Variants in ANKRD30B observed in about 807,000 individuals in gnomAD.
ANKRD30B encodes ankyrin repeat domain 30B, also known as ankyrin repeat domain-containing protein 30B.
ANKRD30B carries 144 observed loss-of-function variants against 202.2 expected under a neutral mutation model. The observed-to-expected ratio is 0.71, with a 90% confidence interval of 0.62 to 0.82. ANKRD30B has a LOEUF of 0.82. Among genes scored for constraint, ANKRD30B ranks in the 40% least tolerant of loss-of-function variants. ANKRD30B has a pLI of 0.00. For synonymous variants in ANKRD30B, 508 were observed against 561.3 expected, an observed-to-expected ratio of 0.91 and a Z score of 1.34; for missense variants, 1,487 against 1,669.1, an observed-to-expected ratio of 0.89 and a Z score of 1.90.
intron 9 of ANKRD30B, among the ~76,000 whole-genome samples, chr18:14,774,863 C>T (rs147067028): frequency 1.4e-4 from 21 of 150,678 alleles, no homozygotes; most frequent in Non-Finnish European, 1.0e-4. Context: ...TGTGGTGGCT[C>T]ATGCCTGTAA....
Position 14,851,421 on chromosome 18 carries a change from A to G in ANKRD30B, c.3565-88A>G, listed in dbSNP as rs150703556. Reference sequence around the variant, plus strand: ...ACTTATAAAAACCCTTTCATTGTATAAACGTACAAGTTGTTCTTTAATTTC... The same window carrying G: ...ACTTATAAAAACCCTTTCATTGTATGAACGTACAAGTTGTTCTTTAATTTC... On this transcript the variant is annotated intron_variant, in intron 41 of 43. Coordinates refer to ENST00000690538, the MANE Select transcript of ANKRD30B (RefSeq NM_001367607.2). 1.7e-4 allele frequency: 233 copies of G among 1,354,222 alleles called. 1 individual carries two copies. In the African/African-American group the frequency reaches 2.9e-3, roughly 17 times the overall value. The allele number at this position is 1,354,222 out of a possible 1,614,324, so 83.9% of individuals were successfully genotyped here. A position where few individuals can be genotyped will look rare whatever the true frequency, so the allele number is the denominator to read the frequency against.
intron 8 of ANKRD30B, among the ~76,000 whole-genome samples, chr18:14,770,808 A>G (rs1458219506): frequency 6.7e-6 from 1 of 149,034 alleles, no homozygotes; most frequent in Non-Finnish European, 1.5e-5. Flanking sequence ...CAAGCTTTCT[A>G]TTGAAAGATA....
chr18:14,774,383 C>T (rs1967220077), intron 9 of ANKRD30B, among the ~76,000 whole-genome samples: 1 of 152,064 alleles, frequency 6.6e-6, no homozygotes, highest in Non-Finnish European at 1.5e-5. Flanking sequence ...AAATGATTTG[C>T]CCCAGACTTT....
intron 4 of ANKRD30B, among the ~76,000 whole-genome samples, chr18:14,757,366 A>G (rs1914532935): frequency 6.6e-6 from 1 of 152,222 alleles, no homozygotes; most frequent in African/African-American, 2.4e-5. Context: ...ACAGCATTTA[A>G]TTCAGTGTCT....
chr18:14,750,018 C>T (rs1913178580), intron 1 of ANKRD30B, among the ~76,000 whole-genome samples: 2 of 151,854 alleles, frequency 1.3e-5, no homozygotes, highest in South Asian at 2.1e-4. Context: ...ACATAAATGC[C>T]TATTTACACA....
At chr18:14,879,864 A>G in the ANKRD30B span, among the ~76,000 whole-genome samples, 3 of 152,076 alleles carry the variant, frequency 2.0e-5, no homozygotes, top group East Asian at 3.9e-4. Flanking sequence ...TTCCTTTGCA[A>G]TGCAGAAGCT....
chr18:14,751,711 C>T (rs1166943584), intron 1 of ANKRD30B, among the ~76,000 whole-genome samples: 2 of 152,064 alleles, frequency 1.3e-5, no homozygotes, highest in Non-Finnish European at 2.9e-5. Flanking sequence ...TTTTCTTTGG[C>T]TTGAAGTTTT....
At chr18:14,816,994 T>C (rs1970146711) in intron 30 of ANKRD30B, 2 of 152,156 alleles carry the variant, frequency 1.3e-5, no homozygotes, top group African/African-American at 2.4e-5. Context: ...TTAGGAGATA[T>C]ACCTAATGCT....
chr18:14,927,218 T>G, the ANKRD30B span, among the ~76,000 whole-genome samples: 3 of 152,288 alleles, frequency 2.0e-5, no homozygotes, highest in Admixed American at 6.5e-5. Flanking sequence ...TTATTGCAAA[T>G]TTTTAGAAAA....
At chr18:14,872,144 C>T in the ANKRD30B span, among the ~76,000 whole-genome samples, 1 of 152,180 alleles carries the variant, frequency 6.6e-6, no homozygotes, top group East Asian at 1.9e-4. Context: ...GCCTTCACTC[C>T]TAGGCTCTAT....
At chr18:14,765,428 A>G (rs1598584025) in intron 7 of ANKRD30B, among the ~76,000 whole-genome samples, 1 of 151,404 alleles carries the variant, frequency 6.6e-6, no homozygotes. Context: ...GCACCATTGC[A>G]CTCCAGCCTG....
intron 34 of ANKRD30B, among the ~76,000 whole-genome samples, chr18:14,834,395 G>C (rs1348006162): frequency 3.3e-5 from 5 of 151,930 alleles, no homozygotes; most frequent in Admixed American, 3.3e-4. Flanking sequence ...CATTGAAGAA[G>C]GGTAAGATAA....
intron 20 of ANKRD30B, among the ~76,000 whole-genome samples, chr18:14,798,503 C>G (rs1969077943): frequency 6.6e-6 from 1 of 152,130 alleles, no homozygotes; most frequent in African/African-American, 2.4e-5. Flanking sequence ...TACAAACAAT[C>G]CATAGAAACA....
intron 42 of ANKRD30B, among the ~76,000 whole-genome samples, chr18:14,853,045 A>G (rs959706342): frequency 6.6e-6 from 1 of 152,104 alleles, no homozygotes; most frequent in African/African-American, 2.4e-5. Flanking sequence ...GTTTTGTTAA[A>G]TAATACCTTA....
the ANKRD30B span, among the ~76,000 whole-genome samples, chr18:14,926,335 G>A: frequency 6.6e-6 from 1 of 152,200 alleles, no homozygotes. Context: ...TAATGGCCAG[G>A]CCAGAAGCAG....
the ANKRD30B span, among the ~76,000 whole-genome samples, chr18:14,896,463 T>G: frequency 6.6e-6 from 1 of 151,672 alleles, no homozygotes; most frequent in African/African-American, 2.4e-5. Context: ...AATCTAAAAA[T>G]GTTCTAAAAT....
intron 9 of ANKRD30B, among the ~76,000 whole-genome samples, chr18:14,777,121 A>AT (rs1967408211): frequency 6.6e-6 from 1 of 152,110 alleles, no homozygotes; most frequent in African/African-American, 2.4e-5. Context: ...ACACGAGTGA[A>AT]TTTTTTATGA....
At chr18:14,911,931 T>C in the ANKRD30B span, among the ~76,000 whole-genome samples, 1 of 152,202 alleles carries the variant, frequency 6.6e-6, no homozygotes, top group Non-Finnish European at 1.5e-5. Context: ...AGACTGTTAC[T>C]GGTATATACA....
At chr18:14,901,435 T>C in the ANKRD30B span, among the ~76,000 whole-genome samples, 1 of 152,164 alleles carries the variant, frequency 6.6e-6, no homozygotes, top group Admixed American at 6.5e-5. Flanking sequence ...CAACATCAAG[T>C]AGAACAAAAT....
Sources: allele counts gnomAD v4.1 joint callset (sites outside exome capture counted in the v4.1 genomes callset), GRCh38; gene constraint gnomAD v4.1.1; transcripts MANE v1.5; gene names NCBI Gene and HGNC (gene_info 2026-07-23, HGNC 2026-07-21).